The following NTNG1 variants were observed in gnomAD, a reference collection of about 807,000 sequenced individuals.
NTNG1 encodes netrin G1.
Under a neutral mutation model 54.0 loss-of-function variants are expected in NTNG1, and 16 were observed. That is an observed-to-expected ratio of 0.30 (90% confidence interval 0.20 to 0.45). The LOEUF (loss-of-function observed/expected upper bound fraction) is 0.45, where lower values mean the gene tolerates loss of function less well. NTNG1 is among the 20% of genes least tolerant of loss of function. The pLI, the probability that NTNG1 is intolerant of heterozygous loss-of-function variation, is 1.00. For synonymous variants in NTNG1, 255 were observed against 263.1 expected, an observed-to-expected ratio of 0.97 and a Z score of 0.30; for missense variants, 530 against 678.7, an observed-to-expected ratio of 0.78 and a Z score of 2.43.
chr1:107,203,612 A>G (rs147196851), intron 2 of NTNG1, among the ~76,000 whole-genome samples: 5 of 151,478 alleles, frequency 3.3e-5, no homozygotes, highest in African/African-American at 1.2e-4. Context: ...ACATATATAT[A>G]GCTATTCTTC....
chr1:107,177,035 C>T (rs746494630), intron 2 of NTNG1, among the ~76,000 whole-genome samples: 1 of 152,134 alleles, frequency 6.6e-6, no homozygotes, highest in African/African-American at 2.4e-5. Context: ...AGTTGAGAAC[C>T]ACTGGTCCAA....
At chr1:107,220,053 G>A (rs962455199) in intron 2 of NTNG1, among the ~76,000 whole-genome samples, 1 of 152,160 alleles carries the variant, frequency 6.6e-6, no homozygotes, top group Non-Finnish European at 1.5e-5. Context: ...CCATGGACAA[G>A]GCTTGCTGCC....
chr1:107,476,085 A>G (rs1678305616), intron 7 of NTNG1, among the ~76,000 whole-genome samples: 1 of 152,194 alleles, frequency 6.6e-6, no homozygotes, highest in Non-Finnish European at 1.5e-5. Context: ...CATTTGTCCA[A>G]CTCAAAGTGC....
At chr1:107,304,550 T>C (rs74830852) in intron 2 of NTNG1, among the ~76,000 whole-genome samples, 2 of 152,168 alleles carry the variant, frequency 1.3e-5, no homozygotes, top group East Asian at 1.9e-4. Flanking sequence ...ATATTACTAC[T>C]GGGATTGAGA....
chr1:107,187,306 A>G (rs1047509411), intron 2 of NTNG1, among the ~76,000 whole-genome samples: 1 of 152,166 alleles, frequency 6.6e-6, no homozygotes, highest in African/African-American at 2.4e-5. Context: ...TCAATAAGTA[A>G]TTGATGAATA....
At chr1:107,205,033 G>A (rs936601817) in intron 2 of NTNG1, among the ~76,000 whole-genome samples, 6 of 152,166 alleles carry the variant, frequency 3.9e-5, no homozygotes, top group African/African-American at 1.4e-4. Context: ...AATCTTTAGA[G>A]TGAGAACCTG....
chr1:107,391,715 G>A (rs897691435), intron 3 of NTNG1, among the ~76,000 whole-genome samples: 10 of 151,804 alleles, frequency 6.6e-5, no homozygotes, highest in Non-Finnish European at 1.3e-4. Context: ...GGGGGAGGGA[G>A]GTACCACACT....
Position 107,172,653 on chromosome 1 carries a change from C to T in NTNG1, c.246+23814C>T, listed in dbSNP as rs991685289. Reference sequence around the variant, plus strand: ...TGGTTAAGACATTCTTGGGCTGTGGCGAATACTGACTATGCTTTTAAAAGT... The same window carrying T: ...TGGTTAAGACATTCTTGGGCTGTGGTGAATACTGACTATGCTTTTAAAAGT... On this transcript the variant is annotated intron_variant, in intron 2 of 7. Coordinates refer to ENST00000370068, the MANE Select transcript of NTNG1 (RefSeq NM_001113226.3). Among the ~76,000 whole-genome samples, 9 of 152,048 alleles carry T rather than the reference C, an allele frequency of 5.9e-5. No homozygotes were observed. The East Asian group carries it at 1.7e-3, about 29-fold the overall frequency.
Position 107,413,323 on chromosome 1 carries a change from C to T in NTNG1, c.1087+5615C>T, listed in dbSNP as rs148586687. Among the ~76,000 whole-genome samples the T allele has an allele frequency of 1.8e-3, 273 of 152,052 alleles. 3 individuals carry two copies. The highest frequency in any genetic ancestry group is 4.8e-3 in the African/African-American group (199 of 41,476). On this transcript the variant is annotated intron_variant, in intron 5 of 7. Coordinates refer to ENST00000370068, the MANE Select transcript of NTNG1 (RefSeq NM_001113226.3). ...GACTACAGGCTCCTGCCACCACACA[C>T]GGCTAATTTTGTTTTTGGATTTTTA...
At position 107,445,100 on chromosome 1, in the gene NTNG1, A is replaced by C. The variant is rs1047940732; in HGVS notation, c.1390+8301A>C. 2.6e-5 allele frequency among the ~76,000 whole-genome samples: 4 copies of C among 152,288 alleles called. No homozygotes were observed. The East Asian group carries it at 7.7e-4, about 29-fold the overall frequency. On this transcript the variant is annotated intron_variant, in intron 7 of 7. Coordinates refer to ENST00000370068, the MANE Select transcript of NTNG1 (RefSeq NM_001113226.3). ...AAGCAAGGGCAAGTTCTCAGCCCCC[A>C]GCGGAACAGAATTCTGGGGAAGAGG...
At chr1:107,246,886 G>A (rs10494066) in intron 2 of NTNG1, among the ~76,000 whole-genome samples, 95,445 of 151,922 alleles carry the variant, frequency 0.63, 33,197 homozygotes, top group Non-Finnish European at 0.78. Context: ...AATAGCCATC[G>A]TACGCTTCCT....
chr1:107,170,194 A>G (rs1656115954), intron 2 of NTNG1, among the ~76,000 whole-genome samples: 1 of 152,182 alleles, frequency 6.6e-6, no homozygotes, highest in Non-Finnish European at 1.5e-5. Flanking sequence ...CTTTTTAGGA[A>G]TACTAAGAAA....
chr1:107,370,015 G>A (rs1162595620), intron 3 of NTNG1, among the ~76,000 whole-genome samples: 1 of 151,972 alleles, frequency 6.6e-6, no homozygotes, highest in Non-Finnish European at 1.5e-5. Context: ...TTGCATTTTT[G>A]TCAAAAATCA....
intron 2 of NTNG1, among the ~76,000 whole-genome samples, chr1:107,215,035 TTGTCTGA>T (rs1185793261): frequency 6.6e-6 from 1 of 152,182 alleles, no homozygotes; most frequent in African/African-American, 2.4e-5. Context: ...TATTAGTCCT[TTGTCTGA>T]TGTATAAATT....
intron 3 of NTNG1, among the ~76,000 whole-genome samples, chr1:107,332,178 A>C (rs1451050199): frequency 6.6e-6 from 1 of 152,084 alleles, no homozygotes; most frequent in African/African-American, 2.4e-5. Flanking sequence ...TTTTCCTCTG[A>C]GGTTTGTACT....
At chr1:107,452,587 G>A (rs2101492732) in intron 7 of NTNG1, among the ~76,000 whole-genome samples, 1 of 152,220 alleles carries the variant, frequency 6.6e-6, no homozygotes, top group Admixed American at 6.5e-5. Flanking sequence ...GTGGTAGTGA[G>A]TGAGTCCTCC....
At chr1:107,370,006 T>C (rs1670821207) in intron 3 of NTNG1, among the ~76,000 whole-genome samples, 1 of 152,138 alleles carries the variant, frequency 6.6e-6, no homozygotes, top group South Asian at 2.1e-4. Context: ...GAAGTGTCTT[T>C]GCATTTTTGT....
chr1:107,291,307 CAT>C (rs1236153255), intron 2 of NTNG1, among the ~76,000 whole-genome samples: 2 of 151,980 alleles, frequency 1.3e-5, no homozygotes, highest in Non-Finnish European at 2.9e-5. Context: ...ATACATATAA[CAT>C]AGAAAATATG....
At chr1:107,276,366 A>T (rs2101709024) in intron 2 of NTNG1, among the ~76,000 whole-genome samples, 1 of 152,232 alleles carries the variant, frequency 6.6e-6, no homozygotes, top group South Asian at 2.1e-4. Context: ...AGCTCTGACC[A>T]TACCTGCTGT....
Sources: allele counts gnomAD v4.1 joint callset (sites outside exome capture counted in the v4.1 genomes callset), GRCh38; gene constraint gnomAD v4.1.1; transcripts MANE v1.5; gene names NCBI Gene and HGNC (gene_info 2026-07-23, HGNC 2026-07-21).